EDN1: variants seen among roughly 807,000 people sequenced by gnomAD.
The protein encoded by EDN1 is endothelin 1.
Under a neutral mutation model 21.7 loss-of-function variants are expected in EDN1, and 11 were observed. The observed-to-expected ratio is 0.51, with a 90% CI of 0.32 to 0.84. The LOEUF (loss-of-function observed/expected upper bound fraction) is 0.84. Among genes scored for constraint, EDN1 ranks in the 40% least tolerant of loss-of-function variants. EDN1 has a pLI of 0.03. For synonymous variants in EDN1, 85 were observed against 90.6 expected (o/e 0.94, Z 0.35); for missense variants, 244 against 262.3 (o/e 0.93, Z 0.48).
the EDN1 span, among the ~76,000 whole-genome samples, chr6:12,281,548 G>A: frequency 6.6e-6 from 1 of 152,254 alleles, no homozygotes; most frequent in Non-Finnish European, 1.5e-5. Flanking sequence ...GACTATCTGA[G>A]TGAGGAGTTG....
chr6:12,234,068 A>ACACCTAAC, the EDN1 span, among the ~76,000 whole-genome samples: 1 of 152,220 alleles, frequency 6.6e-6, no homozygotes, highest in African/African-American at 2.4e-5. Flanking sequence ...GCCCACCTAT[A>ACACCTAAC]CATCTGTATC....
At chr6:12,234,772 A>T in the EDN1 span, among the ~76,000 whole-genome samples, 36 of 152,320 alleles carry the variant, frequency 2.4e-4, 1 homozygote, top group African/African-American at 8.4e-4. Flanking sequence ...TTGATCAGGA[A>T]GGTTTGCATT....
the EDN1 span, among the ~76,000 whole-genome samples, chr6:12,260,057 G>A: frequency 4.0e-5 from 6 of 151,760 alleles, no homozygotes; most frequent in Non-Finnish European, 8.8e-5. Context: ...GTTCCATGCC[G>A]GAAACAAAAT....
At chr6:12,276,161 CAAAAAAAAAAAAAAA>C in the EDN1 span, among the ~76,000 whole-genome samples, 3 of 68,622 alleles carry the variant, frequency 4.4e-5, no homozygotes, top group African/African-American at 5.9e-5. Flanking sequence ...GACTCCATCT[CAAAAAAAAAAAAAAA>C]AAAAAAAAAA....
At chr6:12,265,141 C>T in the EDN1 span, among the ~76,000 whole-genome samples, 2 of 152,156 alleles carry the variant, frequency 1.3e-5, no homozygotes, top group African/African-American at 2.4e-5. Context: ...AAGAAGTTTC[C>T]GAAATGCCAG....
chr6:12,267,527 G>A, the EDN1 span, among the ~76,000 whole-genome samples: 5 of 152,174 alleles, frequency 3.3e-5, no homozygotes, highest in East Asian at 1.9e-4. Flanking sequence ...CTAACTATTC[G>A]ATTCTATGAA....
chr6:12,249,890 A>G, the EDN1 span, among the ~76,000 whole-genome samples: 1 of 151,998 alleles, frequency 6.6e-6, no homozygotes, highest in South Asian at 2.1e-4. Flanking sequence ...TTCTCTCCAG[A>G]CACCAGAGAC....
chr6:12,243,164 GTAAGT>G, the EDN1 span, among the ~76,000 whole-genome samples: 7 of 152,076 alleles, frequency 4.6e-5, no homozygotes, highest in African/African-American at 1.7e-4. Context: ...TTATGATAAA[GTAAGT>G]TAAGAAAAGA....
At chr6:12,284,307 G>T in the EDN1 span, among the ~76,000 whole-genome samples, 1 of 152,186 alleles carries the variant, frequency 6.6e-6, no homozygotes, top group Non-Finnish European at 1.5e-5. Context: ...AGTTGAGAAT[G>T]ATTGAAGTTA....
chr6:12,262,187 C>T, the EDN1 span, among the ~76,000 whole-genome samples: 15 of 152,288 alleles, frequency 9.8e-5, no homozygotes, highest in Admixed American at 6.5e-4. Context: ...TTTGAATAAA[C>T]GCCTTGAAGG....
the EDN1 span, among the ~76,000 whole-genome samples, chr6:12,275,164 G>C: frequency 6.6e-6 from 1 of 152,176 alleles, no homozygotes; most frequent in African/African-American, 2.4e-5. Flanking sequence ...TACCCACGGG[G>C]GTCCCTCAGG....
chr6:12,232,875 C>T, the EDN1 span, among the ~76,000 whole-genome samples: 9 of 152,090 alleles, frequency 5.9e-5, no homozygotes, highest in South Asian at 2.1e-4. Context: ...CTTGAAAAGA[C>T]GACTGGCAAA....
In EDN1 at chr6:12,296,047, C is replaced by G. The variant is rs1762816055; in HGVS notation, c.619C>G (p.His207Asp). Residue 207 changes from histidine to aspartate, a missense_variant, in exon 5 of 5, where the codon CAC becomes GAC. Coordinates refer to ENST00000379375, the MANE Select transcript of EDN1 (RefSeq NM_001955.5). ...GCCCTCCAGAGAGCGTTATGTGACCCACAACCGAGCACATTGGTGACAGAC... is the reference window on the plus strand; with the variant it reads ...GCCCTCCAGAGAGCGTTATGTGACCGACAACCGAGCACATTGGTGACAGAC... ...GKPSRERYVT[H>D]NRAHW 1 of 1,613,890 alleles carries G rather than the reference C, an allele frequency of 6.2e-7. No homozygotes were observed. Among genetic ancestry groups the G allele is most frequent in the Non-Finnish European group, 8.5e-7 (1 of 1,179,960 alleles).
chr6:12,278,658 G>A, the EDN1 span, among the ~76,000 whole-genome samples: 7 of 152,136 alleles, frequency 4.6e-5, no homozygotes, highest in South Asian at 4.2e-4. Flanking sequence ...TTCGGAGGCC[G>A]AGGCGGGCAG....
upstream of EDN1, among the ~76,000 whole-genome samples, chr6:12,287,001 C>T (rs1330528395): frequency 6.6e-6 from 1 of 152,060 alleles, no homozygotes; most frequent in African/African-American, 2.4e-5. Flanking sequence ...CCTGTTGTCC[C>T]AGCTACTCAG....
At chr6:12,232,309 A>G in the EDN1 span, among the ~76,000 whole-genome samples, 1 of 150,640 alleles carries the variant, frequency 6.6e-6, no homozygotes, top group Non-Finnish European at 1.5e-5. Flanking sequence ...CAATACATAT[A>G]TCTGATTAGA....
chr6:12,292,557 C>T, intron 2 of EDN1, 48 bp downstream of exon 2: 1 of 1,608,986 alleles, frequency 6.2e-7, no homozygotes, highest in South Asian at 1.1e-5. Context: ...TTAGCGCTGG[C>T]TCCACTGGAG....
the EDN1 span, among the ~76,000 whole-genome samples, chr6:12,256,809 C>G: frequency 2.0e-3 from 298 of 152,318 alleles, 3 homozygotes; most frequent in African/African-American, 6.9e-3. Context: ...TACTAGTACT[C>G]ATTGTCAAAT....
the EDN1 span, among the ~76,000 whole-genome samples, chr6:12,239,110 C>A: frequency 2.0e-5 from 3 of 152,310 alleles, no homozygotes; most frequent in South Asian, 4.1e-4. Flanking sequence ...GACTGAAGAA[C>A]CTCAGTTCTG....
Sources: allele counts gnomAD v4.1 joint callset (sites outside exome capture counted in the v4.1 genomes callset), GRCh38; gene constraint gnomAD v4.1.1; transcripts MANE v1.5; gene names NCBI Gene and HGNC (gene_info 2026-07-23, HGNC 2026-07-21).